ADCY2: variants seen among roughly 807,000 people sequenced by gnomAD.
ADCY2 encodes the protein adenylate cyclase type 2.
A neutral mutation model predicts 125.2 loss-of-function variants in ADCY2; 31 were observed. That is an observed-to-expected ratio of 0.25 (90% confidence interval 0.19 to 0.33). The LOEUF is 0.33. Among genes scored for constraint, ADCY2 ranks in the 10% least tolerant of loss-of-function variants. The pLI is 1.00. For synonymous variants in ADCY2, 512 were observed against 548.4 expected (o/e 0.93, Z 0.93); for missense variants, 904 against 1,418.2 (o/e 0.64, Z 5.82).
intron 15 of ADCY2, among the ~76,000 whole-genome samples, chr5:7,751,846 A>G (rs1742834509): frequency 6.6e-6 from 1 of 152,062 alleles, no homozygotes; most frequent in Non-Finnish European, 1.5e-5. Context: ...GACCCACCCC[A>G]CAGCCTCAGT....
intron 4 of ADCY2, among the ~76,000 whole-genome samples, chr5:7,671,783 A>C (rs537642671): frequency 2.0e-5 from 3 of 150,980 alleles, no homozygotes; most frequent in Non-Finnish European, 4.4e-5. Context: ...ACTCAAGTAG[A>C]CTTTTTTTTT....
At chr5:7,565,016 C>G (rs1735844406) in intron 3 of ADCY2, among the ~76,000 whole-genome samples, 1 of 152,208 alleles carries the variant, frequency 6.6e-6, no homozygotes, top group South Asian at 2.1e-4. Flanking sequence ...ACAGTCATCA[C>G]TTTATTTATC....
intron 2 of ADCY2, among the ~76,000 whole-genome samples, chr5:7,489,674 T>A (rs1038217812): frequency 6.6e-6 from 1 of 152,200 alleles, no homozygotes; most frequent in African/African-American, 2.4e-5. Flanking sequence ...ACCTCTTTCC[T>A]TGATAAATTA....
intron 3 of ADCY2, among the ~76,000 whole-genome samples, chr5:7,555,953 T>A (rs1429946075): frequency 1.3e-5 from 2 of 151,888 alleles, no homozygotes; most frequent in East Asian, 3.9e-4. Context: ...TTGTATCTCA[T>A]GTGATAGACC....
chr5:7,569,128 G>A (rs1735995428), intron 3 of ADCY2, among the ~76,000 whole-genome samples: 1 of 152,294 alleles, frequency 6.6e-6, no homozygotes, highest in East Asian at 1.9e-4. Flanking sequence ...ATGGAAATGA[G>A]CAACCCAGTT....
intron 20 of ADCY2, chr5:7,796,488 T>C (rs961745778): frequency 6.6e-6 from 1 of 152,136 alleles, no homozygotes; most frequent in African/African-American, 2.4e-5. Flanking sequence ...CCTTCAGAAA[T>C]AGGGAGTCAA....
intron 3 of ADCY2, among the ~76,000 whole-genome samples, chr5:7,557,192 G>GATATATAGATATATCTATAT (rs1204974635): frequency 1.2e-5 from 1 of 80,654 alleles, no homozygotes; most frequent in Non-Finnish European, 3.7e-5. Flanking sequence ...TTATATATGT[G>GATATATAGATATATCTATAT]ATATATATAA....
At chr5:7,544,655 G>A (rs751991757) in intron 3 of ADCY2, among the ~76,000 whole-genome samples, 9 of 152,152 alleles carry the variant, frequency 5.9e-5, no homozygotes, top group Non-Finnish European at 1.2e-4. Context: ...CAACATTGGA[G>A]GGGCCATGGC....
intron 12 of ADCY2, 52 bp downstream of exon 12, chr5:7,717,289 T>A: frequency 2.2e-6 from 3 of 1,352,420 alleles, no homozygotes; most frequent in Non-Finnish European, 3.1e-6. Context: ...ATGTTCCAGT[T>A]GTATTTTATC....
rs554138182 is a variant in ADCY2 at position 7,708,046 on chromosome 5, T to A, written c.1401+208T>A. ...TAAATGAGCAGTTGAAATGCACTGC[T>A]TTTCTGCAGGGGTGTTGATGCAGGT... On this transcript the variant is annotated intron_variant, in intron 9 of 24. Transcript: ENST00000338316. 7.5e-6 allele frequency: 4 copies of A among 531,548 alleles called. No homozygotes were observed. The East Asian group carries it at 1.0e-4, about 14-fold the overall frequency. 32.9% of individuals were successfully genotyped at this position (531,548 alleles called of 1,614,324 possible).
At chr5:7,522,819 G>T (rs1207412796) in intron 3 of ADCY2, among the ~76,000 whole-genome samples, 1 of 149,834 alleles carries the variant, frequency 6.7e-6, no homozygotes, top group Non-Finnish European at 1.5e-5. Context: ...CCAGCTACTC[G>T]GGAGTCTGAG....
At chr5:7,587,826 G>A (rs6555477) in intron 3 of ADCY2, among the ~76,000 whole-genome samples, 46,079 of 152,012 alleles carry the variant, frequency 0.3, 7,132 homozygotes, top group East Asian at 0.44. Flanking sequence ...ATAGGGAAAC[G>A]TTGAGAGAAT....
At chr5:7,438,698 G>A (rs1470886166) in intron 2 of ADCY2, among the ~76,000 whole-genome samples, 4 of 152,176 alleles carry the variant, frequency 2.6e-5, no homozygotes, top group African/African-American at 9.7e-5. Flanking sequence ...GTGTAAAATG[G>A]GTATAATGAA....
chr5:7,462,212 C>T (rs1203671902), intron 2 of ADCY2, among the ~76,000 whole-genome samples: 1 of 152,220 alleles, frequency 6.6e-6, no homozygotes, highest in Admixed American at 6.5e-5. Flanking sequence ...CAAACACTGT[C>T]TCTTAGTGCG....
At chr5:7,485,979 A>G (rs1742910046) in intron 2 of ADCY2, among the ~76,000 whole-genome samples, 1 of 152,180 alleles carries the variant, frequency 6.6e-6, no homozygotes, top group African/African-American at 2.4e-5. Flanking sequence ...ATCTATTTTT[A>G]TGAGGATAAA....
chr5:7,616,852 T>C (rs923947266), intron 3 of ADCY2, among the ~76,000 whole-genome samples: 2 of 152,154 alleles, frequency 1.3e-5, no homozygotes, highest in Non-Finnish European at 2.9e-5. Context: ...ATGAGATCTT[T>C]AGGGTGGGCC....
At chr5:7,725,413 G>A (rs1195750613) in intron 13 of ADCY2, among the ~76,000 whole-genome samples, 1 of 151,948 alleles carries the variant, frequency 6.6e-6, no homozygotes, top group African/African-American at 2.4e-5. Flanking sequence ...ATATCAAATA[G>A]AAATATTAAA....
intron 2 of ADCY2, among the ~76,000 whole-genome samples, chr5:7,460,698 T>A (rs1006291568): frequency 6.6e-6 from 1 of 152,178 alleles, no homozygotes; most frequent in Non-Finnish European, 1.5e-5. Context: ...TCTTAATTTT[T>A]TTTTTGTGGA....
At chr5:7,483,898 C>T (rs937284777) in intron 2 of ADCY2, among the ~76,000 whole-genome samples, 11 of 152,150 alleles carry the variant, frequency 7.2e-5, no homozygotes, top group African/African-American at 2.4e-4. Context: ...TTAATAATTT[C>T]CAGTATTATT....
Sources: allele counts gnomAD v4.1 joint callset (sites outside exome capture counted in the v4.1 genomes callset), GRCh38; gene constraint gnomAD v4.1.1; transcripts MANE v1.5; gene names NCBI Gene and HGNC (gene_info 2026-07-23, HGNC 2026-07-21).